The following MYO16 variants were observed in gnomAD, a reference collection of about 807,000 sequenced individuals.
MYO16 encodes unconventional myosin-XVI.
MYO16 carries 94 observed loss-of-function variants against 205.3 expected under a neutral mutation model. That is an observed-to-expected ratio of 0.46 (90% CI 0.39 to 0.54). MYO16 has a LOEUF of 0.54. MYO16 is among the 20% of genes least tolerant of loss of function. MYO16 has a pLI of 0.00. For missense variants in MYO16, 2,315 were observed against 2,387.5 expected, an observed-to-expected ratio of 0.97 and a Z score of 0.63; for synonymous variants, 988 against 954.0, an observed-to-expected ratio of 1.04 and a Z score of -0.66.
In MYO16 at chr13:109,170,550, A is replaced by G. The variant is rs897244748; in HGVS notation, c.5323+5491A>G. On this transcript the variant is annotated intron_variant, in intron 33 of 34. Transcript: ENST00000457511. ...TACAATTCTGCAATTTAAAAAAAAA[A>G]GGAGGAAGAAAGAGATGGAGAAAGG... is the stretch of plus-strand genomic sequence containing the variant. Among the ~76,000 whole-genome samples the G allele has an allele frequency of 2.0e-5, 3 of 151,832 alleles. No homozygotes were observed. In the East Asian group the frequency reaches 5.8e-4, roughly 29 times the overall value.
intron 16 of MYO16, among the ~76,000 whole-genome samples, chr13:108,924,576 A>G (rs1001021662): frequency 6.6e-6 from 1 of 152,230 alleles, no homozygotes; most frequent in African/African-American, 2.4e-5. Flanking sequence ...GCTTAGATCC[A>G]GATTCAGTAG....
At chr13:109,010,701 A>C (rs1037975928) in intron 22 of MYO16, among the ~76,000 whole-genome samples, 18 of 152,038 alleles carry the variant, frequency 1.2e-4, no homozygotes, top group African/African-American at 4.4e-4. Flanking sequence ...TGTCTTGTGT[A>C]AGTTTGTATG....
chr13:109,051,846 G>T (rs1224913062), intron 24 of MYO16, among the ~76,000 whole-genome samples: 2 of 152,092 alleles, frequency 1.3e-5, no homozygotes, highest in African/African-American at 4.8e-5. Context: ...AAGTAAGGCA[G>T]GTCCTCTCAC....
chr13:108,956,802 T>G (rs553969004), intron 16 of MYO16, among the ~76,000 whole-genome samples: 1 of 152,256 alleles, frequency 6.6e-6, no homozygotes, highest in South Asian at 2.1e-4. Flanking sequence ...CACTTATACC[T>G]AGACTCTATC....
At chr13:108,898,802 G>C (rs184092856) in intron 15 of MYO16, among the ~76,000 whole-genome samples, 1 of 151,994 alleles carries the variant, frequency 6.6e-6, no homozygotes, top group African/African-American at 2.4e-5. Flanking sequence ...AATTCACCTA[G>C]AATTTTACAT....
At chr13:108,545,315 G>A in the MYO16 span, among the ~76,000 whole-genome samples, 2 of 152,220 alleles carry the variant, frequency 1.3e-5, no homozygotes, top group East Asian at 1.9e-4. Context: ...TTCCATCCAC[G>A]TTGCTGCATA....
chr13:108,593,658 G>A (rs955149537), upstream of MYO16, among the ~76,000 whole-genome samples: 8 of 152,184 alleles, frequency 5.3e-5, 1 homozygote, highest in Non-Finnish European at 1.2e-4. Context: ...TAGCTACTGA[G>A]GATATGGATA....
chr13:109,044,743 G>A (rs1341988430), intron 23 of MYO16, among the ~76,000 whole-genome samples: 2 of 152,168 alleles, frequency 1.3e-5, no homozygotes, highest in Non-Finnish European at 2.9e-5. Flanking sequence ...GGTCTACAAA[G>A]CAATGGCAGA....
At chr13:108,887,007 A>G (rs1194028454) in intron 13 of MYO16, among the ~76,000 whole-genome samples, 1 of 152,160 alleles carries the variant, frequency 6.6e-6, no homozygotes, top group Non-Finnish European at 1.5e-5. Context: ...ATATGATAAA[A>G]TTAGCCATTT....
intron 23 of MYO16, among the ~76,000 whole-genome samples, chr13:109,036,347 G>A (rs1886716389): frequency 2.0e-5 from 3 of 152,094 alleles, no homozygotes; most frequent in Admixed American, 6.6e-5. Flanking sequence ...TGTAACTTTT[G>A]TTCTCTTTGT....
At chr13:109,104,913 G>A (rs1301615658) in intron 28 of MYO16, among the ~76,000 whole-genome samples, 1 of 151,696 alleles carries the variant, frequency 6.6e-6, no homozygotes, top group Non-Finnish European at 1.5e-5. Flanking sequence ...TCTCTGCTTT[G>A]TTCTCCTCCA....
chr13:108,859,801 G>A (rs1594350194), intron 11 of MYO16, among the ~76,000 whole-genome samples: 1 of 152,072 alleles, frequency 6.6e-6, no homozygotes, highest in South Asian at 2.1e-4. Context: ...AGTGGGACTT[G>A]AGACTCATAA....
intron 19 of MYO16, among the ~76,000 whole-genome samples, chr13:108,964,529 A>G (rs1192007531): frequency 6.6e-6 from 1 of 152,224 alleles, no homozygotes; most frequent in Non-Finnish European, 1.5e-5. Context: ...ATAAAGGTGG[A>G]ACGCTGTGGT....
chr13:108,940,347 T>A (rs1882671830), intron 16 of MYO16, among the ~76,000 whole-genome samples: 1 of 152,136 alleles, frequency 6.6e-6, no homozygotes, highest in Non-Finnish European at 1.5e-5. Context: ...CTGCCAAATG[T>A]GGGCCACTTC....
chr13:108,644,382 A>G (rs796272392), intron 1 of MYO16, among the ~76,000 whole-genome samples: 3,731 of 148,938 alleles, frequency 0.025, 153 homozygotes, highest in African/African-American at 0.086. Flanking sequence ...CTATCTATCT[A>G]TCTATCTATC....
intron 4 of MYO16, among the ~76,000 whole-genome samples, chr13:108,765,960 T>C (rs1316259577): frequency 6.6e-6 from 1 of 152,234 alleles, no homozygotes; most frequent in African/African-American, 2.4e-5. Flanking sequence ...ATAAAGGTTT[T>C]ACATTTTTAT....
At chr13:108,658,408 C>CT (rs907070896) in intron 1 of MYO16, among the ~76,000 whole-genome samples, 1 of 137,342 alleles carries the variant, frequency 7.3e-6, no homozygotes, top group Non-Finnish European at 1.6e-5. Flanking sequence ...TTTCTTCCTT[C>CT]TTTTTTTTGT....
intron 1 of MYO16, among the ~76,000 whole-genome samples, chr13:108,632,098 A>T (rs892696195): frequency 2.0e-5 from 3 of 150,966 alleles, no homozygotes; most frequent in Non-Finnish European, 4.4e-5. Flanking sequence ...AAAAAAAAAA[A>T]AGAGTGAATG....
At chr13:109,030,838 AAAAT>A (rs1212620399) in intron 23 of MYO16, among the ~76,000 whole-genome samples, 12 of 152,180 alleles carry the variant, frequency 7.9e-5, no homozygotes, top group African/African-American at 2.7e-4. Context: ...AGTAAAAAAG[AAAAT>A]AAATAAAGCT....
Sources: allele counts gnomAD v4.1 joint callset (sites outside exome capture counted in the v4.1 genomes callset), GRCh38; gene constraint gnomAD v4.1.1; transcripts MANE v1.5; gene names NCBI Gene and HGNC (gene_info 2026-07-23, HGNC 2026-07-21).